Variants in FRMD4A observed in about 807,000 individuals in gnomAD.
FRMD4A encodes the protein FERM domain containing 4A.
In FRMD4A, 29 loss-of-function variants were observed where a neutral mutation model predicts 129.1. The observed-to-expected ratio is 0.22, with a 90% CI of 0.17 to 0.31. The LOEUF (loss-of-function observed/expected upper bound fraction) is 0.31. Ranked by LOEUF, FRMD4A falls within the 10% of genes least tolerant of loss-of-function variation. The pLI, the probability that FRMD4A is intolerant of heterozygous loss-of-function variation, is 1.00. For missense variants in FRMD4A, 1,272 were observed against 1,375.8 expected (o/e 0.92, Z 1.19); for synonymous variants, 634 against 571.6 (o/e 1.11, Z -1.56).
At chr10:13,921,590 C>T (rs1407050215) in intron 2 of FRMD4A, among the ~76,000 whole-genome samples, 1 of 152,118 alleles carries the variant, frequency 6.6e-6, no homozygotes, top group Non-Finnish European at 1.5e-5. Context: ...GTACTAATAC[C>T]ATTCATGAGG....
intron 2 of FRMD4A, among the ~76,000 whole-genome samples, chr10:14,162,645 T>A (rs1363428718): frequency 1.4e-5 from 2 of 147,982 alleles, no homozygotes; most frequent in Non-Finnish European, 3.0e-5. Context: ...TTTTTTGTTT[T>A]TTTTTTTTTT....
At chr10:13,698,798 A>C (rs2086489798) in intron 14 of FRMD4A, among the ~76,000 whole-genome samples, 1 of 152,142 alleles carries the variant, frequency 6.6e-6, no homozygotes, top group Non-Finnish European at 1.5e-5. Context: ...ATTCCCACAT[A>C]GAGGGTTGTG....
At chr10:14,068,243 C>T (rs915997562) in intron 2 of FRMD4A, among the ~76,000 whole-genome samples, 9 of 152,116 alleles carry the variant, frequency 5.9e-5, no homozygotes, top group Non-Finnish European at 8.8e-5. Flanking sequence ...CAGCTGGTAT[C>T]AGTAGGTAGG....
intron 6 of FRMD4A, among the ~76,000 whole-genome samples, chr10:13,779,834 C>G (rs2092692123): frequency 6.6e-6 from 1 of 150,690 alleles, no homozygotes; most frequent in Admixed American, 6.6e-5. Context: ...TGTGAAGACT[C>G]AGTTAAACAA....
At chr10:13,722,397 AATTAAAAAAAAAAATTTTTTT>A (rs1244532724) in intron 12 of FRMD4A, among the ~76,000 whole-genome samples, 1 of 151,342 alleles carries the variant, frequency 6.6e-6, no homozygotes, top group Non-Finnish European at 1.5e-5. Context: ...ATACTCGGCT[AATTAAAAAAAAAAATTTTTTT>A]TTTTTTTGTA....
intron 2 of FRMD4A, among the ~76,000 whole-genome samples, chr10:13,989,243 A>G (rs73589159): frequency 6.6e-6 from 1 of 152,104 alleles, no homozygotes. Context: ...GTTTTTGATT[A>G]TGTTGCACCC....
chr10:14,271,243 A>G (rs1270377382), intron 2 of FRMD4A, among the ~76,000 whole-genome samples: 1 of 152,242 alleles, frequency 6.6e-6, no homozygotes, highest in Non-Finnish European at 1.5e-5. Context: ...GGCAGGGACA[A>G]ATATCCACAG....
intron 15 of FRMD4A, among the ~76,000 whole-genome samples, chr10:13,691,678 C>T (rs568187706): frequency 2.0e-5 from 3 of 152,308 alleles, no homozygotes; most frequent in East Asian, 1.9e-4. Context: ...TTTCGATGCA[C>T]GCCGAAGTTT....
At chr10:13,909,196 T>G in intron 2 of FRMD4A, among the ~76,000 whole-genome samples, 1 of 152,240 alleles carries the variant, frequency 6.6e-6, no homozygotes, top group East Asian at 1.9e-4. Context: ...ACACAGTATG[T>G]GCTTAATAAA....
intron 2 of FRMD4A, among the ~76,000 whole-genome samples, chr10:13,939,115 G>T (rs1037552074): frequency 6.6e-6 from 1 of 152,156 alleles, no homozygotes; most frequent in Non-Finnish European, 1.5e-5. Context: ...GCAGCTACAC[G>T]GTAAGGCAAG....
rs532139354 is a variant in FRMD4A at position 14,181,407 on chromosome 10, G to A, written c.45+148651C>T. Among the ~76,000 whole-genome samples the A allele has an allele frequency of 6.4e-4, 98 of 152,308 alleles. 1 individual carries two copies. Among genetic ancestry groups the A allele is most frequent in the African/African-American group, 2.2e-3 (92 of 41,552 alleles). ...GTGTTTGCTCAGAAGACCTCTGGGA[G>A]CCCAGATAAGGAGAAAGCTGAGAGA... On this transcript the variant is annotated intron_variant, in intron 2 of 24. Transcript: ENST00000357447.
At chr10:14,000,121 G>A (rs1243433907) in intron 2 of FRMD4A, among the ~76,000 whole-genome samples, 1 of 152,124 alleles carries the variant, frequency 6.6e-6, no homozygotes, top group Non-Finnish European at 1.5e-5. Context: ...CGTAGATGTG[G>A]TTCATCCACT....
At chr10:13,663,622 A>G in intron 18 of FRMD4A, 113 bp from the exon 19 acceptor site, 1 of 685,884 alleles carries the variant, frequency 1.5e-6, no homozygotes, top group Non-Finnish European at 2.7e-6. Flanking sequence ...CCTAACCAGA[A>G]ACAACCCACC....
chr10:13,659,131 A>G (rs1345310969), intron 21 of FRMD4A, among the ~76,000 whole-genome samples, 192 bp downstream of exon 21: 2 of 152,138 alleles, frequency 1.3e-5, no homozygotes, highest in Admixed American at 6.5e-5. Context: ...GCTGACTCCA[A>G]GTGCCCTGTG....
chr10:14,059,961 C>T (rs779427143), intron 2 of FRMD4A, among the ~76,000 whole-genome samples: 14 of 152,222 alleles, frequency 9.2e-5, no homozygotes, highest in South Asian at 4.1e-4. Flanking sequence ...AAAAGGAAAC[C>T]GAGGCATAGT....
chr10:13,898,127 C>G (rs761722464), intron 2 of FRMD4A, among the ~76,000 whole-genome samples: 2 of 152,008 alleles, frequency 1.3e-5, no homozygotes, highest in Non-Finnish European at 2.9e-5. Flanking sequence ...AATCCCAGCA[C>G]TTTGGGAGGC....
intron 2 of FRMD4A, among the ~76,000 whole-genome samples, chr10:14,238,564 G>C (rs1029251872): frequency 6.6e-6 from 1 of 151,928 alleles, no homozygotes; most frequent in African/African-American, 2.4e-5. Context: ...TGTGCAGAAC[G>C]TGCAGGTTTG....
intron 2 of FRMD4A, among the ~76,000 whole-genome samples, chr10:14,019,687 A>G (rs192323302): frequency 2.0e-5 from 3 of 152,222 alleles, no homozygotes; most frequent in African/African-American, 7.2e-5. Context: ...AGAAGGATCA[A>G]TATAAACAGG....
At chr10:14,056,345 A>G (rs1354916716) in intron 2 of FRMD4A, among the ~76,000 whole-genome samples, 3 of 151,936 alleles carry the variant, frequency 2.0e-5, no homozygotes, top group Non-Finnish European at 4.4e-5. Flanking sequence ...TTCATTCTTT[A>G]TAACTATGTT....
Sources: allele counts gnomAD v4.1 joint callset (sites outside exome capture counted in the v4.1 genomes callset), GRCh38; gene constraint gnomAD v4.1.1; transcripts MANE v1.5; gene names NCBI Gene and HGNC (gene_info 2026-07-23, HGNC 2026-07-21).